The following THSD7B variants were observed in gnomAD, a reference collection of about 807,000 sequenced individuals.
The protein encoded by THSD7B is thrombospondin type-1 domain-containing protein 7B.
In THSD7B, 138 loss-of-function variants were observed where a neutral mutation model predicts 213.6. The observed-to-expected ratio is 0.65, with a 90% CI of 0.56 to 0.74. The LOEUF is 0.74. Ranked by LOEUF, THSD7B falls within the 30% of genes least tolerant of loss-of-function variation. The pLI, the probability that THSD7B is intolerant of heterozygous loss-of-function variation, is 0.00. For missense variants in THSD7B, 1,931 were observed against 1,991.5 expected, an observed-to-expected ratio of 0.97 and a Z score of 0.58; for synonymous variants, 742 against 687.0, an observed-to-expected ratio of 1.08 and a Z score of -1.25.
intron 2 of THSD7B, among the ~76,000 whole-genome samples, chr2:136,922,604 T>C (rs1343308575): frequency 6.6e-6 from 1 of 152,236 alleles, no homozygotes; most frequent in Non-Finnish European, 1.5e-5. Context: ...AATATAGATA[T>C]GAGACATACA....
At chr2:137,222,129 A>G (rs1018403047) in intron 7 of THSD7B, among the ~76,000 whole-genome samples, 1 of 152,202 alleles carries the variant, frequency 6.6e-6, no homozygotes, top group Non-Finnish European at 1.5e-5. Flanking sequence ...AGAAAACCAC[A>G]TTATGTATAA....
intron 2 of THSD7B, among the ~76,000 whole-genome samples, chr2:136,908,315 T>C (rs188517462): frequency 2.0e-5 from 3 of 152,344 alleles, no homozygotes; most frequent in Admixed American, 1.3e-4. Context: ...GATTTCTGAT[T>C]GCTTTTACAT....
intron 2 of THSD7B, among the ~76,000 whole-genome samples, chr2:136,887,808 A>G (rs1195983582): frequency 6.6e-6 from 1 of 152,172 alleles, no homozygotes; most frequent in East Asian, 1.9e-4. Context: ...ACACTAATAC[A>G]GACTAATACT....
chr2:137,107,484 A>G (rs1344177051), intron 4 of THSD7B, among the ~76,000 whole-genome samples: 2 of 152,206 alleles, frequency 1.3e-5, no homozygotes, highest in African/African-American at 4.8e-5. Flanking sequence ...GTGTATCCCT[A>G]TGTAACAAAC....
At chr2:137,505,926 T>A (rs1458582420) in intron 15 of THSD7B, among the ~76,000 whole-genome samples, 2 of 152,188 alleles carry the variant, frequency 1.3e-5, no homozygotes, top group Non-Finnish European at 2.9e-5. Flanking sequence ...ACTGGCATAG[T>A]GGCCAGCTTT....
At chr2:137,301,050 T>C (rs6749493) in intron 12 of THSD7B, among the ~76,000 whole-genome samples, 3,758 of 152,256 alleles carry the variant, frequency 0.025, 76 homozygotes, top group African/African-American at 0.046. Context: ...CCTTTTACAA[T>C]TGGAATTTAT....
At position 136,993,680 on chromosome 2, in the gene THSD7B, G is replaced by A. The variant is rs770862368; in HGVS notation, c.140-62740G>A. Among the ~76,000 whole-genome samples the A allele has an allele frequency of 1.2e-4, 19 of 152,282 alleles. No individual in the cohort carries two copies. In the South Asian group the frequency reaches 2.9e-3, roughly 23 times the overall value. On this transcript the variant is annotated intron_variant, in intron 2 of 27. Transcript: ENST00000409968. ...TACTCTGTGGCCCAAATCTGTTCAC[G>A]TGAAAAACAACAACAAGAACAAGAA...
intron 12 of THSD7B, among the ~76,000 whole-genome samples, chr2:137,310,171 T>C (rs911118336): frequency 6.6e-6 from 1 of 151,736 alleles, no homozygotes; most frequent in Non-Finnish European, 1.5e-5. Flanking sequence ...GGCACCTGTT[T>C]CCTGACTTTT....
chr2:137,623,997 C>A (rs1682572573), intron 20 of THSD7B, among the ~76,000 whole-genome samples: 1 of 152,122 alleles, frequency 6.6e-6, no homozygotes, highest in Non-Finnish European at 1.5e-5. Flanking sequence ...TCGTATGGAA[C>A]CAAAAAAGAG....
intron 1 of THSD7B, among the ~76,000 whole-genome samples, chr2:136,860,878 C>T (rs185346139): frequency 6.6e-6 from 1 of 152,368 alleles, no homozygotes; most frequent in African/African-American, 2.4e-5. Flanking sequence ...TGATGCTCTC[C>T]TGGAATCATT....
chr2:137,047,729 G>T (rs1686995724), intron 2 of THSD7B, among the ~76,000 whole-genome samples: 1 of 152,058 alleles, frequency 6.6e-6, no homozygotes. Flanking sequence ...CTCCAGGCTT[G>T]GTCTGTCTCA....
chr2:137,654,544 AG>A (rs1210677174), intron 21 of THSD7B, among the ~76,000 whole-genome samples: 1 of 152,148 alleles, frequency 6.6e-6, no homozygotes, highest in African/African-American at 2.4e-5. Context: ...CACATTTTGC[AG>A]CACAGAAACC....
At chr2:136,882,047 T>C (rs907984163) in intron 1 of THSD7B, 97 bp from the exon 2 acceptor site, 7 of 961,818 alleles carry the variant, frequency 7.3e-6, no homozygotes, top group Non-Finnish European at 9.9e-6. Flanking sequence ...AATGAAAAAC[T>C]TGCAATACCA....
intron 15 of THSD7B, among the ~76,000 whole-genome samples, chr2:137,533,780 G>T (rs563013373): frequency 6.6e-6 from 1 of 151,850 alleles, no homozygotes; most frequent in African/African-American, 2.4e-5. Flanking sequence ...AGTTGCATAT[G>T]ATTAAAAGGA....
intron 2 of THSD7B, among the ~76,000 whole-genome samples, chr2:137,049,866 C>T (rs1573789424): frequency 1.3e-5 from 2 of 152,242 alleles, no homozygotes; most frequent in South Asian, 2.1e-4. Context: ...GATTTTTTGG[C>T]CTCTCTTCCC....
intron 3 of THSD7B, among the ~76,000 whole-genome samples, chr2:137,085,253 C>A (rs1252755581): frequency 2.0e-5 from 3 of 152,106 alleles, no homozygotes; most frequent in Non-Finnish European, 1.5e-5. Flanking sequence ...TAAGAGTCAC[C>A]TATAATCAAA....
intron 20 of THSD7B, among the ~76,000 whole-genome samples, chr2:137,641,006 T>C (rs1421545960): frequency 1.3e-5 from 2 of 152,168 alleles, no homozygotes; most frequent in African/African-American, 2.4e-5. Flanking sequence ...GTCTAGTTCT[T>C]TGAAAGTGAG....
intron 5 of THSD7B, among the ~76,000 whole-genome samples, chr2:137,147,670 G>A (rs1233855620): frequency 6.6e-6 from 1 of 151,976 alleles, no homozygotes; most frequent in Non-Finnish European, 1.5e-5. Flanking sequence ...ATACTTTTAG[G>A]TCAGGGTACC....
At chr2:137,172,123 G>A (rs758668572) in intron 7 of THSD7B, among the ~76,000 whole-genome samples, 10 of 152,152 alleles carry the variant, frequency 6.6e-5, no homozygotes, top group Middle Eastern at 3.4e-3. Flanking sequence ...TTTGGTCTTC[G>A]TCCCTGGCTC....
Sources: gnomAD v4.1 joint callset for allele counts (sites outside exome capture counted in the v4.1 genomes callset) on GRCh38, gnomAD v4.1.1 for gene constraint, MANE v1.5 for transcripts, NCBI Gene and HGNC (gene_info 2026-07-23, HGNC 2026-07-21) for gene names.